Variants in NCKAP5 observed in about 807,000 individuals in gnomAD.
NCKAP5 encodes the protein nck-associated protein 5.
Under a neutral mutation model 167.0 loss-of-function variants are expected in NCKAP5, and 92 were observed. The observed-to-expected ratio is 0.55, with a 90% CI of 0.47 to 0.66. NCKAP5 has a LOEUF of 0.66. Among genes scored for constraint, NCKAP5 ranks in the 30% least tolerant of loss-of-function variants. NCKAP5 has a pLI of 0.00. For missense variants in NCKAP5, 2,378 were observed against 2,315.0 expected (o/e 1.03, Z -0.56); for synonymous variants, 891 against 877.4 (o/e 1.02, Z -0.27).
At chr2:133,259,860 T>C (rs1289011645) in intron 4 of NCKAP5, among the ~76,000 whole-genome samples, 1 of 152,226 alleles carries the variant, frequency 6.6e-6, no homozygotes, top group Non-Finnish European at 1.5e-5. Context: ...CCTTCCTTTC[T>C]ACGTGTCTTC....
At chr2:132,727,557 G>T (rs1690583931) in intron 18 of NCKAP5, among the ~76,000 whole-genome samples, 1 of 152,220 alleles carries the variant, frequency 6.6e-6, no homozygotes, top group Non-Finnish European at 1.5e-5. Flanking sequence ...CCCTTCAGGT[G>T]GTTCTGATGC....
intron 11 of NCKAP5, among the ~76,000 whole-genome samples, chr2:132,829,477 C>G (rs565083089): frequency 6.6e-6 from 1 of 152,186 alleles, no homozygotes; most frequent in African/African-American, 2.4e-5. Context: ...TATTGAAATA[C>G]AGTCACACTC....
intron 4 of NCKAP5, among the ~76,000 whole-genome samples, chr2:133,255,927 C>A (rs1049213200): frequency 6.6e-6 from 1 of 152,120 alleles, no homozygotes; most frequent in African/African-American, 2.4e-5. Context: ...GAGTAAGGAA[C>A]ATGCTTTCCC....
intron 11 of NCKAP5, among the ~76,000 whole-genome samples, chr2:132,802,437 T>A (rs1292661996): frequency 6.6e-6 from 1 of 152,218 alleles, no homozygotes; most frequent in Non-Finnish European, 1.5e-5. Context: ...TAGAGCCCCA[T>A]TTCTGCTCCC....
chr2:133,454,280 T>C (rs770950099), intron 3 of NCKAP5, among the ~76,000 whole-genome samples: 2 of 152,144 alleles, frequency 1.3e-5, no homozygotes, highest in East Asian at 3.9e-4. Context: ...GTGACTTACT[T>C]TGAAGTAAGT....
chr2:132,928,678 T>A (rs1366586967), intron 8 of NCKAP5, among the ~76,000 whole-genome samples: 1 of 152,220 alleles, frequency 6.6e-6, no homozygotes, highest in Non-Finnish European at 1.5e-5. Context: ...GTAAGGCTTA[T>A]ACACGAATTT....
rs374973237 is a variant in NCKAP5, at chr2:133,070,299, G to C, written c.341+59679C>G. Among the ~76,000 whole-genome samples, 36 of 152,212 alleles carry C rather than the reference G, an allele frequency of 2.4e-4. 1 individual carries two copies. The South Asian group carries it at 4.6e-3, about 19-fold the overall frequency. On this transcript the variant is annotated intron_variant, in intron 6 of 19. Transcript: ENST00000409261. Reference sequence around the variant, plus strand: ...AAAGACAAAGAGTAAATTAAAAAATGGGATGATATGGCTAATAAGATATGC... The same window carrying C: ...AAAGACAAAGAGTAAATTAAAAAATCGGATGATATGGCTAATAAGATATGC...
At chr2:133,113,061 T>C (rs62178959) in intron 6 of NCKAP5, among the ~76,000 whole-genome samples, 26 of 152,210 alleles carry the variant, frequency 1.7e-4, no homozygotes, top group Non-Finnish European at 3.5e-4. Flanking sequence ...CTAGGGAAGT[T>C]TTCTGTCAAC....
intron 3 of NCKAP5, among the ~76,000 whole-genome samples, chr2:133,372,818 A>G (rs1485052022): frequency 1.3e-4 from 20 of 152,182 alleles, no homozygotes; most frequent in Admixed American, 1.3e-3. Context: ...TACTGCAGTC[A>G]CTGTAACTCA....
intron 15 of NCKAP5, among the ~76,000 whole-genome samples, chr2:132,777,914 C>T (rs1452027337): frequency 1.3e-5 from 2 of 151,564 alleles, no homozygotes; most frequent in Non-Finnish European, 2.9e-5. Context: ...ATTAAAATAC[C>T]CATACTAAAA....
intron 8 of NCKAP5, among the ~76,000 whole-genome samples, chr2:132,899,142 C>G (rs937254290): frequency 7.9e-5 from 12 of 152,184 alleles, no homozygotes; most frequent in Admixed American, 3.3e-4. Context: ...TAACTTGTTG[C>G]AGCTTTACAT....
rs11365101 is a variant in NCKAP5 at position 132,700,931 on chromosome 2, G to T, written c.5713+24696C>A. Among the ~76,000 whole-genome samples, 67 of 19,426 alleles carry T rather than the reference G, an allele frequency of 3.4e-3. 1 individual carries two copies. In the African/African-American group the frequency reaches 0.044, roughly 13 times the overall value. The allele number at this position is 19,426 out of a possible 152,430, so 12.7% of individuals were successfully genotyped here. On this transcript the variant is annotated intron_variant, in intron 19 of 19. Coordinates refer to ENST00000409261, the MANE Select transcript of NCKAP5 (RefSeq NM_207363.3). ...GCATGCTGGTTACAATCCCCTGGGCGGGGGGGGGGGCTTTTAAGCAATACT... is the reference window on the plus strand; with the variant it reads ...GCATGCTGGTTACAATCCCCTGGGCTGGGGGGGGGGCTTTTAAGCAATACT...
the NCKAP5 span, among the ~76,000 whole-genome samples, chr2:133,670,504 G>C: frequency 6.6e-6 from 1 of 152,132 alleles, no homozygotes; most frequent in South Asian, 2.1e-4. Flanking sequence ...ATAAACCACA[G>C]ACTTCGAGAA....
At chr2:132,836,788 C>T (rs1439030889) in intron 11 of NCKAP5, among the ~76,000 whole-genome samples, 1 of 152,146 alleles carries the variant, frequency 6.6e-6, no homozygotes, top group Non-Finnish European at 1.5e-5. Context: ...CTTGCCTGGG[C>T]TATTGCTCTT....
At chr2:133,506,550 C>T (rs62177707) in intron 3 of NCKAP5, among the ~76,000 whole-genome samples, 9,199 of 152,154 alleles carry the variant, frequency 0.06, 379 homozygotes, top group East Asian at 0.13. Context: ...GGAGTGTTCA[C>T]GTCCCGATCC....
chr2:133,413,895 T>C (rs1318388710), intron 3 of NCKAP5, among the ~76,000 whole-genome samples: 1 of 152,224 alleles, frequency 6.6e-6, no homozygotes, highest in African/African-American at 2.4e-5. Flanking sequence ...TTTTTCTATA[T>C]AGAGGGACGG....
At chr2:132,776,569 T>C (rs549055358) in intron 15 of NCKAP5, among the ~76,000 whole-genome samples, 56 of 152,118 alleles carry the variant, frequency 3.7e-4, no homozygotes, top group African/African-American at 1.3e-3. Context: ...CTGGGGGAAA[T>C]TGTGAACTTG....
At chr2:133,578,285 A>T in the NCKAP5 span, among the ~76,000 whole-genome samples, 5 of 152,110 alleles carry the variant, frequency 3.3e-5, no homozygotes, top group African/African-American at 1.2e-4. Flanking sequence ...CCTTGCAGTG[A>T]CCCCATCTAT....
intron 9 of NCKAP5, among the ~76,000 whole-genome samples, chr2:132,876,245 C>T (rs374986167): frequency 3.9e-5 from 6 of 151,982 alleles, no homozygotes; most frequent in African/African-American, 1.4e-4. Flanking sequence ...CCACTACATT[C>T]GCCTAGGTTT....
Sources: allele counts gnomAD v4.1 joint callset (sites outside exome capture counted in the v4.1 genomes callset), GRCh38; gene constraint gnomAD v4.1.1; transcripts MANE v1.5; gene names NCBI Gene and HGNC (gene_info 2026-07-23, HGNC 2026-07-21).